METRNL: variants seen among roughly 807,000 people sequenced by gnomAD.
The protein encoded by METRNL is meteorin-like protein.
In METRNL, 9 loss-of-function variants were observed where a neutral mutation model predicts 17.4. The observed-to-expected ratio is 0.52, with a 90% CI of 0.31 to 0.90. The LOEUF (loss-of-function observed/expected upper bound fraction) is 0.90. Among genes scored for constraint, METRNL ranks in the 40% least tolerant of loss-of-function variants. The probability of loss-of-function intolerance (pLI) is 0.05; values close to 1 mark genes in which losing one functional copy is unlikely to be tolerated. For missense variants in METRNL, 408 were observed against 430.7 expected, an observed-to-expected ratio of 0.95 and a Z score of 0.47; for synonymous variants, 215 against 199.3, an observed-to-expected ratio of 1.08 and a Z score of -0.66.
chr17:83,091,882 C>T (rs1275340917), intron 2 of METRNL, among the ~76,000 whole-genome samples: 1 of 152,216 alleles, frequency 6.6e-6, no homozygotes, highest in Non-Finnish European at 1.5e-5. Flanking sequence ...ACAGGTGAGG[C>T]CTTGAAACCT....
chr17:83,086,506 G>A (rs1390474395), intron 2 of METRNL, among the ~76,000 whole-genome samples: 2 of 152,180 alleles, frequency 1.3e-5, no homozygotes, highest in African/African-American at 4.8e-5. Context: ...TGGGGGAGGG[G>A]GTACCAGCCT....
chr17:83,088,040 G>A (rs1164100207), intron 2 of METRNL, among the ~76,000 whole-genome samples: 3 of 152,318 alleles, frequency 2.0e-5, no homozygotes, highest in South Asian at 2.1e-4. Context: ...GAGACACGCC[G>A]ATGACCAAGA....
At position 83,079,774 on chromosome 17, in the gene METRNL, G is replaced by T; in HGVS notation, c.-42G>T. 1 of 955,018 alleles carries T rather than the reference G, an allele frequency of 1.0e-6. No individual in the cohort carries two copies. Among genetic ancestry groups the T allele is most frequent in the Non-Finnish European group, 1.2e-6 (1 of 806,300 alleles). 59.2% of individuals were successfully genotyped at this position (955,018 alleles called of 1,614,324 possible). A position where few individuals can be genotyped will look rare whatever the true frequency, so the allele number is the denominator to read the frequency against. ...CGCCGGCTCCGGGGTCTGCTCCGGGGGTCGCGGACGCGGGGCCGGGCGGCG... is the reference window on the plus strand; with the variant it reads ...CGCCGGCTCCGGGGTCTGCTCCGGGTGTCGCGGACGCGGGGCCGGGCGGCG... On this transcript the variant is annotated 5_prime_UTR_variant, in exon 1 of 4. Coordinates refer to ENST00000320095, the MANE Select transcript of METRNL (RefSeq NM_001004431.3).
Position 83,084,803 on chromosome 17 carries a change from C to A in METRNL, c.171-135C>A, listed in dbSNP as rs1436724589. On this transcript the variant is annotated intron_variant, in intron 1 of 3. Transcript: ENST00000320095. The stretch of plus-strand genomic sequence containing the variant: ...CTCACGGGCAGGGGTCCGTGTGGCA[C>A]CTGTGGCCGGCAGCGGGTGGGTCCA... The A allele has an allele frequency of 1.2e-5, 14 of 1,174,360 alleles. No homozygotes were observed. The African/African-American group carries it at 1.7e-4, about 14-fold the overall frequency. 72.7% of individuals were successfully genotyped at this position (1,174,360 alleles called of 1,614,324 possible).
chr17:83,079,837 G>T lies in METRNL; in HGVS notation c.22G>T (p.Ala8Ser). MRGAARA[A>S]WGRAGQPWPR... The stretch of plus-strand genomic sequence containing the variant: ...GAGCATGCGGGGCGCGGCGCGGGCG[G>T]CCTGGGGGCGCGCGGGGCAGCCGTG... The change falls in exon 1 of 4, where the codon GCC (alanine) becomes TCC (serine). Residue 8 changes from alanine to serine, a missense_variant. Coordinates refer to ENST00000320095, the MANE Select transcript of METRNL (RefSeq NM_001004431.3). The T allele has an allele frequency of 1.0e-6, 1 of 974,412 alleles. No individual in the cohort carries two copies. Among genetic ancestry groups the T allele is most frequent in the Non-Finnish European group, 1.2e-6 (1 of 823,960 alleles). The allele number at this position is 974,412 out of a possible 1,614,324, so 60.4% of individuals were successfully genotyped here.
At position 83,094,731 on chromosome 17, in the gene METRNL, C is replaced by T. The variant is rs1211945486; in HGVS notation, c.*156C>T. On this transcript the variant is annotated 3_prime_UTR_variant, in exon 4 of 4. Transcript: ENST00000320095. ...ACCGAAGCTGTGGACGTTCTCGCCA[C>T]ACTCAACCCCATGAGCTTCCAGCCA... 1 of 476,754 alleles carries T rather than the reference C, an allele frequency of 2.1e-6. No homozygotes were observed. Among genetic ancestry groups the T allele is most frequent in the Non-Finnish European group, 3.4e-6 (1 of 296,970 alleles). 29.5% of individuals were successfully genotyped at this position (476,754 alleles called of 1,614,324 possible).
At chr17:83,086,775 A>G (rs969646886) in intron 2 of METRNL, among the ~76,000 whole-genome samples, 8 of 152,168 alleles carry the variant, frequency 5.3e-5, no homozygotes, top group East Asian at 1.9e-4. Flanking sequence ...CCTGCCACGC[A>G]CACCTGGACG....
rs1056203184 is a variant in METRNL at position 83,079,869 on chromosome 17, A to T, written c.54A>T (p.Arg18=). The part of the protein sequence containing the change: ...AWGRAGQPWP[R]PPAPGPPPPP... ...GGCGCGCGGGGCAGCCGTGGCCGCG[A>T]CCCCCCGCCCCGGGCCCGCCCCCGC... Residue 18 remains arginine (R), a synonymous_variant, in exon 1 of 4, where the codon CGA becomes CGT. Transcript: ENST00000320095. 2.2e-6 allele frequency: 2 copies of T among 907,724 alleles called. No individual in the cohort carries two copies. The highest frequency in any genetic ancestry group is 4.9e-5 in the African/African-American group (2 of 41,026). 56.2% of individuals were successfully genotyped at this position (907,724 alleles called of 1,614,324 possible). A position where few individuals can be genotyped will look rare whatever the true frequency, so the allele number is the denominator to read the frequency against.
rs1392688590 is a variant in METRNL, at chr17:83,095,052, AG to A, written c.*479del. The A allele has an allele frequency of 6.5e-6, 1 of 154,756 alleles. No homozygotes were observed. Among genetic ancestry groups the A allele is most frequent in the Admixed American group, 6.5e-5 (1 of 15,348 alleles). 9.6% of individuals were successfully genotyped at this position (154,756 alleles called of 1,614,324 possible). Reference sequence around the variant, plus strand: ...TTTTTTATTTTCATTTTATTTTTAAAGGATGAGCTTTGGTCCTTTTCAGGCC... The same window carrying A: ...TTTTTTATTTTCATTTTATTTTTAAAGATGAGCTTTGGTCCTTTTCAGGCC... On this transcript the variant is annotated 3_prime_UTR_variant, in exon 4 of 4. Transcript: ENST00000320095.
chr17:83,086,100 A>G (rs1568336601), intron 2 of METRNL, among the ~76,000 whole-genome samples: 1 of 152,094 alleles, frequency 6.6e-6, no homozygotes, highest in Non-Finnish European at 1.5e-5. Context: ...CTGTGGGTAG[A>G]CACCAGGAGG....
intron 1 of METRNL, 97 bp downstream of exon 1, chr17:83,080,082 G>C: frequency 1.4e-6 from 1 of 737,912 alleles, no homozygotes; most frequent in Non-Finnish European, 1.7e-6. Flanking sequence ...CCGGGGGCGG[G>C]CGCGGGGCAG....
At position 83,094,592 on chromosome 17, in the gene METRNL, C is replaced by T. The variant is rs1170614302; in HGVS notation, c.*17C>T. Reference sequence around the variant, plus strand: ...ACGGACTGACTCCGTGGGCCGCTGCCCTTCCTCTCCTGATGAGTCACAGGC... The same window carrying T: ...ACGGACTGACTCCGTGGGCCGCTGCTCTTCCTCTCCTGATGAGTCACAGGC... On this transcript the variant is annotated 3_prime_UTR_variant, in exon 4 of 4. Transcript: ENST00000320095. 5 of 1,433,374 alleles carry T rather than the reference C, an allele frequency of 3.5e-6. No homozygotes were observed. Among genetic ancestry groups the T allele is most frequent in the South Asian group, 1.5e-5 (1 of 65,168 alleles). The allele number at this position is 1,433,374 out of a possible 1,614,324, so 88.8% of individuals were successfully genotyped here. A position where few individuals can be genotyped will look rare whatever the true frequency, so the allele number is the denominator to read the frequency against.
chr17:83,090,619 TGCCCA>T (rs1381944545), intron 2 of METRNL, among the ~76,000 whole-genome samples: 2 of 148,854 alleles, frequency 1.3e-5, no homozygotes, highest in African/African-American at 5.0e-5. Context: ...CTGCCATGGC[TGCCCA>T]GCCGGAGGGT....
At position 83,079,884 on chromosome 17, in the gene METRNL, C is replaced by T; in HGVS notation, c.69C>T (p.Gly23=). 2.0e-6 allele frequency: 2 copies of T among 980,206 alleles called. No homozygotes were observed. The highest frequency in any genetic ancestry group is 4.5e-5 in the South Asian group (1 of 22,012). 60.7% of individuals were successfully genotyped at this position (980,206 alleles called of 1,614,324 possible). A position where few individuals can be genotyped will look rare whatever the true frequency, so the allele number is the denominator to read the frequency against. The change falls in exon 1 of 4, where the codon GGC becomes GGT. Residue 23 remains glycine, a synonymous_variant. Coordinates refer to ENST00000320095, the MANE Select transcript of METRNL (RefSeq NM_001004431.3). ...GQPWPRPPAP[G]PPPPPLPLLL... is the part of the protein sequence containing the mutation. ...CGTGGCCGCGACCCCCCGCCCCGGG[C>T]CCGCCCCCGCCGCCGCTCCCGCTGC... is the stretch of plus-strand genomic sequence containing the variant.
chr17:83,093,675 C>T (rs904143059), intron 3 of METRNL, among the ~76,000 whole-genome samples: 4 of 152,184 alleles, frequency 2.6e-5, no homozygotes, highest in Admixed American at 2.6e-4. Flanking sequence ...GCAGGAGGAG[C>T]TTTGGGGTCC....
intron 2 of METRNL, among the ~76,000 whole-genome samples, chr17:83,092,786 C>T (rs970838755): frequency 6.6e-6 from 1 of 152,164 alleles, no homozygotes; most frequent in African/African-American, 2.4e-5. Context: ...GGCTCAGCCG[C>T]ACTGAGGAGA....
chr17:83,079,981 G>T lies in METRNL; in HGVS notation c.166G>T (p.Gly56Trp). ...CTCCAGCGACCGGTGCAGCTGGAAG[G>T]GGAGGTGAGTGTGCGCGGCGCGACC... ...QYSSDRCSWK[G>W]SGLTHEAHRK... The change falls in exon 1 of 4, where the codon GGG becomes TGG. Residue 56 changes from glycine to tryptophan, a missense_variant. By Grantham distance (184) the Gly-to-Trp change is radical. Transcript: ENST00000320095. The T allele has an allele frequency of 9.8e-7, 1 of 1,016,476 alleles. No individual in the cohort carries two copies. The highest frequency in any genetic ancestry group is 5.9e-5 in the Admixed American group (1 of 17,070). The allele number at this position is 1,016,476 out of a possible 1,614,324, so 63.0% of individuals were successfully genotyped here. A position where few individuals can be genotyped will look rare whatever the true frequency, so the allele number is the denominator to read the frequency against.
chr17:83,090,523 A>AC (rs1555730486), intron 2 of METRNL, among the ~76,000 whole-genome samples: 9 of 82,086 alleles, frequency 1.1e-4, no homozygotes, highest in African/African-American at 4.1e-4. Flanking sequence ...CCCCACACAC[A>AC]CCCCCGACTG....
chr17:83,085,081 C>T lies in METRNL; in HGVS notation c.314C>T (p.Thr105Ile), dbSNP rs1408870316. The T allele has an allele frequency of 1.2e-6, 2 of 1,613,934 alleles. No individual in the cohort carries two copies. The highest frequency in any genetic ancestry group is 3.3e-5 in the Admixed American group (2 of 60,032). Residue 105 changes from threonine (T) to isoleucine (I), a missense_variant, in exon 2 of 4, where the codon ACC becomes ATC. Physicochemically the swap from Thr to Ile is moderately conservative, Grantham distance 89. Transcript: ENST00000320095. ...PNTFSPARHLTVCIRSFTDSS... is the reference protein window; with the variant it reads ...PNTFSPARHLIVCIRSFTDSS... ...ACCTTCTCGCCTGCCCGGCACCTGA[C>T]CGTGTGCATCAGGTCCTTCACGGAC...
Sources: gnomAD v4.1 joint callset for allele counts (sites outside exome capture counted in the v4.1 genomes callset) on GRCh38, gnomAD v4.1.1 for gene constraint, MANE v1.5 for transcripts, NCBI Gene and HGNC (gene_info 2026-07-23, HGNC 2026-07-21) for gene names.